The following FNDC1 variants were observed in gnomAD, a reference collection of about 807,000 sequenced individuals.
FNDC1 encodes fibronectin type III domain-containing protein 1.
A neutral mutation model predicts 168.0 loss-of-function variants in FNDC1; 96 were observed. That is an observed-to-expected ratio of 0.57 (90% CI 0.48 to 0.68). FNDC1 has a LOEUF of 0.68. FNDC1 is among the 30% of genes least tolerant of loss of function. The pLI is 0.00. For synonymous variants in FNDC1, 1,099 were observed against 1,025.9 expected, an observed-to-expected ratio of 1.07 and a Z score of -1.36; for missense variants, 2,587 against 2,482.1, an observed-to-expected ratio of 1.04 and a Z score of -0.90.
chr6:159,247,878 G>T (rs993487948), intron 15 of FNDC1, among the ~76,000 whole-genome samples: 1 of 152,194 alleles, frequency 6.6e-6, no homozygotes, highest in African/African-American at 2.4e-5. Context: ...TTTGGAAGTT[G>T]CCTCTGCAGT....
rs1777117951 is a variant in FNDC1 at position 159,246,207 on chromosome 6, T to C, written c.4622-694T>C. Among the ~76,000 whole-genome samples, 3 of 152,202 alleles carry C rather than the reference T, an allele frequency of 2.0e-5. No homozygotes were observed. In the South Asian group the frequency reaches 6.2e-4, roughly 32 times the overall value. Reference sequence around the variant, plus strand: ...CCAATCTGTAAAGGGAAATTTGCAATGATTGGCATATGTTTCCAAATTTCC... The same window carrying C: ...CCAATCTGTAAAGGGAAATTTGCAACGATTGGCATATGTTTCCAAATTTCC... On this transcript the variant is annotated intron_variant, in intron 14 of 22. Coordinates refer to ENST00000297267, the MANE Select transcript of FNDC1 (RefSeq NM_032532.3).
intron 3 of FNDC1, 86 bp from the exon 4 acceptor site, chr6:159,200,427 T>C: frequency 1.9e-6 from 2 of 1,028,230 alleles, no homozygotes; most frequent in Non-Finnish European, 2.9e-6. Context: ...GAAAAGATCA[T>C]TTAATTATAC....
chr6:159,251,205 A>G, intron 16 of FNDC1, 97 bp from the exon 17 acceptor site: 1 of 882,154 alleles, frequency 1.1e-6, no homozygotes, highest in South Asian at 1.6e-5. Context: ...GCAGGAAGAG[A>G]CCGAATGGTG....
At position 159,214,984 on chromosome 6, in the gene FNDC1, G is replaced by C; in HGVS notation, c.500G>C (p.Arg167Pro). ...AACAAGCCCTTGCGTGTGCGTGTCC[G>C]GTCCTCAGATGACAGGCTGTCCGTT... ...VPNKPLRVRV[R>P]SSDDRLSVAW... The change falls in exon 5 of 23, where the codon CGG (arginine) becomes CCG (proline). Residue 167 changes from arginine (R) to proline (P), a missense_variant. Transcript: ENST00000297267. 1.2e-6 allele frequency: 2 copies of C among 1,613,996 alleles called. No individual in the cohort carries two copies. Among genetic ancestry groups the C allele is most frequent in the Non-Finnish European group, 1.7e-6 (2 of 1,179,894 alleles).
Position 159,225,697 on chromosome 6 carries a change from A to G in FNDC1, c.1047A>G (p.Ser349=), listed in dbSNP as rs1212375008. The G allele has an allele frequency of 1.2e-6, 2 of 1,611,220 alleles. No individual in the cohort carries two copies. The highest frequency in any genetic ancestry group is 1.7e-6 in the Non-Finnish European group (2 of 1,177,880). ...AAAGAGATGGCAAATGGAGTACGTC[A>G]GTCTTCCAAAGAACACCAGAATCTG... The part of the protein sequence containing the change: ...QGERDGKWST[S]VFQRTPESAP... Residue 349 remains serine, a synonymous_variant, in exon 8 of 23, where the codon TCA becomes TCG. Coordinates refer to ENST00000297267, the MANE Select transcript of FNDC1 (RefSeq NM_032532.3).
In FNDC1 at chr6:159,245,516, C is replaced by G. The variant is rs902436858; in HGVS notation, c.4622-1385C>G. Reference sequence around the variant, plus strand: ...TTTTTAGCTATAAAACCTTTTGCCTCAAGATTTTATCAGCTACAGTGAGAT... The same window carrying G: ...TTTTTAGCTATAAAACCTTTTGCCTGAAGATTTTATCAGCTACAGTGAGAT... On this transcript the variant is annotated intron_variant, in intron 14 of 22. Coordinates refer to ENST00000297267, the MANE Select transcript of FNDC1 (RefSeq NM_032532.3). Among the ~76,000 whole-genome samples, 5 of 152,138 alleles carry G rather than the reference C, an allele frequency of 3.3e-5. No individual in the cohort carries two copies. In the East Asian group the frequency reaches 9.7e-4, roughly 29 times the overall value.
rs1458881597 is a variant in FNDC1 at position 159,256,507 on chromosome 6, C to T, written c.5066-16C>T. The T allele has an allele frequency of 1.9e-6, 3 of 1,595,606 alleles. No homozygotes were observed. The highest frequency in any genetic ancestry group is 2.2e-5 in the East Asian group (1 of 44,794). ...TTCCTTGGTGTCCATTGGGTTTTTCCTGTTTCCATTTTCAGGTTACTTGGT... is the reference window on the plus strand; with the variant it reads ...TTCCTTGGTGTCCATTGGGTTTTTCTTGTTTCCATTTTCAGGTTACTTGGT... On this transcript the variant is annotated splice_polypyrimidine_tract_variant and intron_variant, in intron 17 of 22. Coordinates refer to ENST00000297267, the MANE Select transcript of FNDC1 (RefSeq NM_032532.3).
At position 159,267,851 on chromosome 6, in the gene FNDC1, T is replaced by C; in HGVS notation, c.5494T>C (p.Cys1832Arg). ...CAGCTGGGGAAGAGGTGAAGACCAT[T>C]GCCAATTTGTGGATTCACACCTTGA... Reference protein sequence around the residue: ...GDSWGRGEDHCQFVDSHLDGR... With the variant: ...GDSWGRGEDHRQFVDSHLDGR... Residue 1832 changes from cysteine (C) to arginine (R), a missense_variant, in exon 22 of 23, where the codon TGC becomes CGC. Coordinates refer to ENST00000297267, the MANE Select transcript of FNDC1 (RefSeq NM_032532.3). The C allele has an allele frequency of 6.2e-7, 1 of 1,613,638 alleles. No individual in the cohort carries two copies. The highest frequency in any genetic ancestry group is 8.5e-7 in the Non-Finnish European group (1 of 1,179,760).
rs1583884408 is a variant in FNDC1 at position 159,223,525 on chromosome 6, C to T, written c.767-3C>T. 4 of 1,604,722 alleles carry T rather than the reference C, an allele frequency of 2.5e-6. No individual in the cohort carries two copies. Among genetic ancestry groups the T allele is most frequent in the Non-Finnish European group, 3.4e-6 (4 of 1,173,626 alleles). The stretch of plus-strand genomic sequence containing the variant: ...CTTTCTCTGGGTCTCGTTGTCATTT[C>T]AGAAGAGGACGAATTGGATGTACCT... On this transcript the variant is annotated splice_polypyrimidine_tract_variant and splice_region_variant and intron_variant, in intron 6 of 22. Transcript: ENST00000297267.
At chr6:159,270,381 A>T (rs997839287) in intron 22 of FNDC1, among the ~76,000 whole-genome samples, 1 of 152,256 alleles carries the variant, frequency 6.6e-6, no homozygotes, top group Non-Finnish European at 1.5e-5. Context: ...TCCAGTTGAC[A>T]CATAAAATTA....
At chr6:159,229,399 A>G (rs911277946) in intron 9 of FNDC1, among the ~76,000 whole-genome samples, 9 of 152,214 alleles carry the variant, frequency 5.9e-5, no homozygotes, top group African/African-American at 1.9e-4. Context: ...ACTCTTGAAG[A>G]TGTCAGATGC....
chr6:159,248,102 A>C (rs966876966), intron 15 of FNDC1, among the ~76,000 whole-genome samples: 2 of 152,230 alleles, frequency 1.3e-5, no homozygotes, highest in African/African-American at 2.4e-5. Context: ...TCAAACAAAA[A>C]CTGACTTAAA....
At chr6:159,183,061 T>A (rs1056329031) in intron 1 of FNDC1, among the ~76,000 whole-genome samples, 1 of 152,234 alleles carries the variant, frequency 6.6e-6, no homozygotes, top group Non-Finnish European at 1.5e-5. Context: ...AGGTGTTCTG[T>A]GGCATTTATT....
chr6:159,208,472 C>G (rs144956488), intron 4 of FNDC1, among the ~76,000 whole-genome samples: 2 of 152,154 alleles, frequency 1.3e-5, no homozygotes, highest in African/African-American at 4.8e-5. Context: ...TTCTTGTGGT[C>G]GTGGGAAGGG....
At chr6:159,230,851 C>G (rs1291946322) in intron 10 of FNDC1, among the ~76,000 whole-genome samples, 1 of 152,182 alleles carries the variant, frequency 6.6e-6, no homozygotes, top group East Asian at 1.9e-4. Flanking sequence ...ACTCTCACTG[C>G]AATATAGGTT....
chr6:159,240,254 A>G (rs967645553), intron 14 of FNDC1, among the ~76,000 whole-genome samples: 19 of 152,378 alleles, frequency 1.2e-4, no homozygotes, highest in Non-Finnish European at 2.2e-4. Context: ...GCTTATCACA[A>G]CCCAAGTCAA....
At chr6:159,225,490 G>A (rs745972998) in intron 7 of FNDC1, 45 bp from the exon 8 acceptor site, 20 of 1,482,360 alleles carry the variant, frequency 1.3e-5, no homozygotes, top group Non-Finnish European at 1.8e-5. Context: ...CTAGTGTTGA[G>A]TGGCAGAGAA....
intron 4 of FNDC1, 148 bp downstream of exon 4, chr6:159,200,729 A>G: frequency 3.1e-6 from 2 of 635,302 alleles, no homozygotes; most frequent in Non-Finnish European, 2.8e-6. Context: ...GTCTTGGTCA[A>G]TCTGTTCTGC....
chr6:159,234,496 A>G lies in FNDC1; in HGVS notation c.3967+17A>G, dbSNP rs748733229. The G allele has an allele frequency of 1.2e-6, 2 of 1,611,652 alleles. No individual in the cohort carries two copies. Among genetic ancestry groups the G allele is most frequent in the East Asian group, 2.2e-5 (1 of 44,890 alleles). On this transcript the variant is annotated intron_variant, in intron 11 of 22. Transcript: ENST00000297267. ...ACAGACAAGGTAGTTTATTTTTTCA[A>G]ACAGTCTTTCTTTAAGGTGTTCAGT...
Sources: gnomAD v4.1 joint callset for allele counts (sites outside exome capture counted in the v4.1 genomes callset) on GRCh38, gnomAD v4.1.1 for gene constraint, MANE v1.5 for transcripts, NCBI Gene and HGNC (gene_info 2026-07-23, HGNC 2026-07-21) for gene names.